The following L3MBTL4 variants were observed in gnomAD, a reference collection of about 807,000 sequenced individuals.
L3MBTL4 encodes L3MBTL histone methyl-lysine binding protein 4.
A neutral mutation model predicts 84.5 loss-of-function variants in L3MBTL4; 70 were observed. That is an observed-to-expected ratio of 0.83 (90% CI 0.68 to 1.01). L3MBTL4 has a LOEUF of 1.01. Among genes scored for constraint, L3MBTL4 ranks in the 50% least tolerant of loss-of-function variants. The probability of loss-of-function intolerance (pLI) is 0.00; values close to 1 mark genes in which losing one functional copy is unlikely to be tolerated. For synonymous variants in L3MBTL4, 274 were observed against 259.8 expected (o/e 1.05, Z -0.52); for missense variants, 715 against 754.8 (o/e 0.95, Z 0.62).
intron 12 of L3MBTL4, among the ~76,000 whole-genome samples, chr18:6,176,756 T>C (rs1265423983): frequency 2.6e-5 from 4 of 152,018 alleles, no homozygotes; most frequent in South Asian, 2.1e-4. Context: ...AAGAAAAATA[T>C]GAAGTGAGCC....
At chr18:6,158,817 C>G (rs563648504) in intron 13 of L3MBTL4, among the ~76,000 whole-genome samples, 1 of 152,156 alleles carries the variant, frequency 6.6e-6, no homozygotes, top group Non-Finnish European at 1.5e-5. Context: ...GAAGTTCTTA[C>G]GTGCCTCAGT....
intron 8 of L3MBTL4, among the ~76,000 whole-genome samples, chr18:6,240,249 CA>C (rs2047397982): frequency 6.6e-6 from 1 of 151,912 alleles, no homozygotes; most frequent in Non-Finnish European, 1.5e-5. Context: ...TTGAAGTTTC[CA>C]AATGCCACTA....
chr18:6,389,436 T>C (rs1170950788), intron 1 of L3MBTL4, among the ~76,000 whole-genome samples: 1 of 151,936 alleles, frequency 6.6e-6, no homozygotes, highest in East Asian at 1.9e-4. Flanking sequence ...ACTGGAACAA[T>C]ACATCACATC....
intron 12 of L3MBTL4, among the ~76,000 whole-genome samples, chr18:6,207,945 G>GA (rs908431945): frequency 1.4e-3 from 212 of 148,112 alleles, no homozygotes; most frequent in Middle Eastern, 0.01. Context: ...TCTCCGCAAA[G>GA]AAAAAAAAAA....
chr18:6,310,095 G>A (rs545977875), intron 3 of L3MBTL4, among the ~76,000 whole-genome samples: 1 of 152,248 alleles, frequency 6.6e-6, no homozygotes, highest in African/African-American at 2.4e-5. Flanking sequence ...TGATGCTGCT[G>A]GTCCAGGGAC....
At chr18:6,350,962 C>T (rs966986031) in intron 1 of L3MBTL4, among the ~76,000 whole-genome samples, 6 of 152,098 alleles carry the variant, frequency 3.9e-5, no homozygotes, top group African/African-American at 7.2e-5. Context: ...GAGGCTAAAG[C>T]GGACAGATCA....
chr18:6,071,777 GA>G (rs1202724578), intron 16 of L3MBTL4, among the ~76,000 whole-genome samples: 2 of 81,232 alleles, frequency 2.5e-5, no homozygotes, highest in African/African-American at 7.6e-5. Flanking sequence ...AAGAAAGAAA[GA>G]AAGAAAGAAA....
rs187922372 is a variant in L3MBTL4, at chr18:6,023,670, A to G, written c.1445-54108T>C. 3.3e-5 allele frequency among the ~76,000 whole-genome samples: 5 copies of G among 152,336 alleles called. No individual in the cohort carries two copies. In the East Asian group the frequency reaches 9.6e-4, roughly 29 times the overall value. ...TTGAAGTTGCCTGGAAGAGGTATTT[A>G]AAGTAATTGTAACTGAAAACCTAGT... On this transcript the variant is annotated intron_variant, in intron 16 of 18. Transcript: ENST00000317931.
At chr18:6,171,771 A>G in intron 13 of L3MBTL4, 57 bp downstream of exon 13, 1 of 1,015,660 alleles carries the variant, frequency 9.8e-7, no homozygotes, top group South Asian at 1.5e-5. Context: ...AAGCAACATT[A>G]CGGCTGGAAA....
In L3MBTL4 at chr18:6,002,090, C is replaced by T. The variant is rs544606456; in HGVS notation, c.1445-32528G>A. Among the ~76,000 whole-genome samples the T allele has an allele frequency of 5.9e-5, 9 of 152,148 alleles. No individual in the cohort carries two copies. The South Asian group carries it at 1.2e-3, about 21-fold the overall frequency. ...TTACAGGAATCTTCAAGAAAGTTAT[C>T]GAAGAATTTCTTAGCCAAAACTTTG... is the stretch of plus-strand genomic sequence containing the variant. On this transcript the variant is annotated intron_variant, in intron 16 of 18. Transcript: ENST00000317931.
intron 13 of L3MBTL4, among the ~76,000 whole-genome samples, chr18:6,147,773 G>A (rs2042717569): frequency 6.6e-6 from 1 of 152,138 alleles, no homozygotes; most frequent in Non-Finnish European, 1.5e-5. Flanking sequence ...AGCAGTTAAG[G>A]CAAAAATATC....
chr18:6,101,739 C>T (rs899869448), intron 14 of L3MBTL4, among the ~76,000 whole-genome samples: 7 of 152,156 alleles, frequency 4.6e-5, no homozygotes, highest in East Asian at 3.9e-4. Context: ...TCAATAAATG[C>T]GATTTCTCTC....
chr18:6,229,299 T>A (rs1047053523), intron 10 of L3MBTL4, among the ~76,000 whole-genome samples: 1 of 152,168 alleles, frequency 6.6e-6, no homozygotes, highest in African/African-American at 2.4e-5. Context: ...GTAATTGTTT[T>A]CAAGTTTTTT....
intron 16 of L3MBTL4, among the ~76,000 whole-genome samples, chr18:6,070,636 G>A (rs1488016675): frequency 6.6e-6 from 1 of 151,356 alleles, no homozygotes; most frequent in East Asian, 1.9e-4. Context: ...GAGCAACATA[G>A]TGAGATCCCA....
intron 14 of L3MBTL4, among the ~76,000 whole-genome samples, chr18:6,129,076 A>ACATG (rs1461757905): frequency 6.6e-6 from 1 of 152,152 alleles, no homozygotes; most frequent in Non-Finnish European, 1.5e-5. Flanking sequence ...AACAAGAGAT[A>ACATG]CATGCCTAAG....
chr18:6,021,755 T>C (rs957725697), intron 16 of L3MBTL4, among the ~76,000 whole-genome samples: 1 of 152,008 alleles, frequency 6.6e-6, no homozygotes, highest in African/African-American at 2.4e-5. Flanking sequence ...CCAGTTCTCC[T>C]GGTGCAGCGG....
intron 1 of L3MBTL4, among the ~76,000 whole-genome samples, chr18:6,366,113 C>A (rs575499075): frequency 2.5e-4 from 38 of 152,260 alleles, no homozygotes; most frequent in Non-Finnish European, 4.1e-4. Flanking sequence ...ATTCTATAGT[C>A]TTTTCCTTCT....
intron 1 of L3MBTL4, among the ~76,000 whole-genome samples, chr18:6,372,767 G>A (rs2054207500): frequency 6.6e-6 from 1 of 152,092 alleles, no homozygotes; most frequent in Non-Finnish European, 1.5e-5. Flanking sequence ...TATGTAAATT[G>A]CTTCAGTGTT....
chr18:6,131,295 A>T (rs1568172611), intron 14 of L3MBTL4, among the ~76,000 whole-genome samples: 1 of 152,062 alleles, frequency 6.6e-6, no homozygotes, highest in Non-Finnish European at 1.5e-5. Context: ...GGAGCACTAC[A>T]TTTTCACGCT....
Sources: gnomAD v4.1 joint callset for allele counts (sites outside exome capture counted in the v4.1 genomes callset) on GRCh38, gnomAD v4.1.1 for gene constraint, MANE v1.5 for transcripts, NCBI Gene and HGNC (gene_info 2026-07-23, HGNC 2026-07-21) for gene names.